The following DNAAF9 variants were observed in gnomAD, a reference collection of about 807,000 sequenced individuals.
DNAAF9 encodes the protein dynein axonemal assembly factor 9.
Under a neutral mutation model 167.0 loss-of-function variants are expected in DNAAF9, and 90 were observed. The observed-to-expected ratio is 0.54, with a 90% CI of 0.45 to 0.64. The LOEUF is 0.64. Among genes scored for constraint, DNAAF9 ranks in the 30% least tolerant of loss-of-function variants. The probability of loss-of-function intolerance (pLI) is 0.00; values close to 1 mark genes in which losing one functional copy is unlikely to be tolerated. For synonymous variants in DNAAF9, 491 were observed against 508.8 expected, an observed-to-expected ratio of 0.96 and a Z score of 0.47; for missense variants, 1,315 against 1,442.2, an observed-to-expected ratio of 0.91 and a Z score of 1.43.
intron 1 of DNAAF9, 37 bp from the exon 2 acceptor site, chr20:3,382,543 G>C (rs867444138): frequency 1.3e-6 from 2 of 1,542,042 alleles, no homozygotes; most frequent in Middle Eastern, 1.7e-4. Context: ...CTGAGTGCCA[G>C]GACAGCCCCA....
At chr20:3,262,248 CTTT>C (rs953323176) in intron 31 of DNAAF9, among the ~76,000 whole-genome samples, 5 of 131,634 alleles carry the variant, frequency 3.8e-5, no homozygotes, top group African/African-American at 2.8e-5. Context: ...AGTTCACATT[CTTT>C]TTTTTTTTTT....
intron 6 of DNAAF9, chr20:3,362,277 T>C (rs1032723388): frequency 3.2e-6 from 4 of 1,263,568 alleles, no homozygotes; most frequent in African/African-American, 1.5e-5. Flanking sequence ...CTTCCAACAG[T>C]TGGAAATTGC....
At chr20:3,252,774 T>G (rs1600643954) in intron 36 of DNAAF9, 90 bp from the exon 37 acceptor site, 1 of 778,844 alleles carries the variant, frequency 1.3e-6, no homozygotes. Context: ...GTGAGGGGGG[T>G]TTGCTGAGGA....
At chr20:3,395,408 G>A (rs1787388643) in intron 1 of DNAAF9, among the ~76,000 whole-genome samples, 1 of 151,950 alleles carries the variant, frequency 6.6e-6, no homozygotes, top group Non-Finnish European at 1.5e-5. Context: ...AGCTTCCCGA[G>A]TAGCTGTGAT....
chr20:3,272,504 C>T (rs953835919), intron 29 of DNAAF9, among the ~76,000 whole-genome samples: 10 of 152,136 alleles, frequency 6.6e-5, no homozygotes, highest in African/African-American at 1.9e-4. Flanking sequence ...GCTGGGATTA[C>T]GGGCGTGAGC....
At chr20:3,337,935 C>T (rs2069994304) in intron 10 of DNAAF9, among the ~76,000 whole-genome samples, 2 of 148,776 alleles carry the variant, frequency 1.3e-5, no homozygotes, top group Admixed American at 6.7e-5. Flanking sequence ...TGATGCTCTT[C>T]CTTTATGTGG....
intron 27 of DNAAF9, among the ~76,000 whole-genome samples, chr20:3,283,005 ATG>A (rs2068788385): frequency 6.6e-6 from 1 of 152,190 alleles, no homozygotes; most frequent in South Asian, 2.1e-4. Context: ...CATAATAAGA[ATG>A]TCAGGTGGTT....
chr20:3,321,905 G>C (rs568966516), intron 16 of DNAAF9, among the ~76,000 whole-genome samples: 1 of 152,314 alleles, frequency 6.6e-6, no homozygotes, highest in East Asian at 1.9e-4. Flanking sequence ...ATTTCGACAA[G>C]AGCAATCTCA....
At chr20:3,285,816 T>C (rs1476121187) in intron 27 of DNAAF9, among the ~76,000 whole-genome samples, 1 of 149,622 alleles carries the variant, frequency 6.7e-6, no homozygotes. Context: ...TGATCTCTAC[T>C]AAAAAATACA....
At chr20:3,388,283 C>T (rs562785401) in intron 1 of DNAAF9, among the ~76,000 whole-genome samples, 5 of 152,240 alleles carry the variant, frequency 3.3e-5, no homozygotes, top group African/African-American at 1.2e-4. Context: ...AATTAGAACC[C>T]TTGTGCACTA....
intron 1 of DNAAF9, among the ~76,000 whole-genome samples, chr20:3,387,884 T>TAAAAA (rs557861791): frequency 1.9e-4 from 17 of 87,364 alleles, no homozygotes; most frequent in East Asian, 4.3e-4. Context: ...CTACAAAAAG[T>TAAAAA]AAAAAAAAAA....
intron 31 of DNAAF9, 59 bp downstream of exon 31, chr20:3,264,379 A>T (rs540207287): frequency 4.9e-6 from 4 of 815,460 alleles, no homozygotes; most frequent in Admixed American, 2.1e-5. Flanking sequence ...TTTTCTGTAA[A>T]TAAATAAATC....
intron 6 of DNAAF9, chr20:3,361,955 C>G: frequency 6.5e-7 from 1 of 1,537,320 alleles, no homozygotes; most frequent in South Asian, 1.1e-5. Context: ...GGCGCCGAAA[C>G]TCTTGCAGGA....
rs71195830 is a variant in DNAAF9, at chr20:3,293,666, C to CAA, written c.2238+471_2238+472dup. 2.8e-3 allele frequency among the ~76,000 whole-genome samples: 238 copies of CAA among 85,580 alleles called. 2 individuals carry two copies. Among genetic ancestry groups the CAA allele is most frequent in the African/African-American group, 8.7e-3 (207 of 23,768 alleles). The allele number at this position is 85,580 out of a possible 152,430, so 56.1% of individuals were successfully genotyped here. ...CGCCAGTGCACTCCAGCCTGGGTGACAAAAAAAAAAAAAAAAAAAAAAAAT... is the reference window on the plus strand; with the variant it reads ...CGCCAGTGCACTCCAGCCTGGGTGACAAAAAAAAAAAAAAAAAAAAAAAAAAT... On this transcript the variant is annotated intron_variant, in intron 25 of 36. Transcript: ENST00000252032.
At position 3,315,130 on chromosome 20, in the gene DNAAF9, C is replaced by T. The variant is rs768161801; in HGVS notation, c.1591-10G>A. 1 of 1,557,646 alleles carries T rather than the reference C, an allele frequency of 6.4e-7. No individual in the cohort carries two copies. The highest frequency in any genetic ancestry group is 8.9e-7 in the Non-Finnish European group (1 of 1,129,866). ...GGAAAGACTCATCCCCCTTTAAAAACAACAACAAAAACAAAAATCCAAAAA... is the reference window on the plus strand; with the variant it reads ...GGAAAGACTCATCCCCCTTTAAAAATAACAACAAAAACAAAAATCCAAAAA... On this transcript the variant is annotated splice_polypyrimidine_tract_variant and intron_variant, in intron 19 of 36. Coordinates refer to ENST00000252032, the MANE Select transcript of DNAAF9 (RefSeq NM_001009984.3). The surrounding 1 kb of genome is among the most constrained non-coding windows in gnomAD (Gnocchi z 4.1).
chr20:3,268,879 G>GATAAT (rs1437481320), intron 30 of DNAAF9, among the ~76,000 whole-genome samples: 3 of 135,288 alleles, frequency 2.2e-5, no homozygotes, highest in Non-Finnish European at 3.2e-5. Context: ...GAAGTAAAGA[G>GATAAT]ATAATATCTC....
At chr20:3,277,124 G>A (rs745360646) in intron 29 of DNAAF9, among the ~76,000 whole-genome samples, 23 of 152,152 alleles carry the variant, frequency 1.5e-4, no homozygotes, top group Admixed American at 2.6e-4. Flanking sequence ...AATATCATCT[G>A]CACCTGCTGG....
intron 10 of DNAAF9, among the ~76,000 whole-genome samples, chr20:3,336,882 C>CT (rs34461289): frequency 0.22 from 29,903 of 133,890 alleles, 3,922 homozygotes; most frequent in South Asian, 0.42. Flanking sequence ...TTTCCTTTTT[C>CT]TTTTTTTTTT....
chr20:3,303,569 A>G (rs1175297403), intron 21 of DNAAF9, among the ~76,000 whole-genome samples: 1 of 152,218 alleles, frequency 6.6e-6, no homozygotes, highest in African/African-American at 2.4e-5. Context: ...GGGCCATCCA[A>G]TGTGTCCAAT....
Sources: allele counts gnomAD v4.1 joint callset (sites outside exome capture counted in the v4.1 genomes callset), GRCh38; gene constraint gnomAD v4.1.1; non-coding constraint Gnocchi (gnomAD v3.1); transcripts MANE v1.5; gene names NCBI Gene and HGNC (gene_info 2026-07-23, HGNC 2026-07-21).